CDKAL1: variants seen among roughly 807,000 people sequenced by gnomAD.
The protein encoded by CDKAL1 is threonylcarbamoyladenosine tRNA methylthiotransferase.
CDKAL1 carries 32 observed loss-of-function variants against 68.2 expected under a neutral mutation model. That is an observed-to-expected ratio of 0.47 (90% confidence interval 0.35 to 0.63). The LOEUF (loss-of-function observed/expected upper bound fraction) is 0.63, where lower values mean the gene tolerates loss of function less well. CDKAL1 is among the 30% of genes least tolerant of loss of function. The probability of loss-of-function intolerance (pLI) is 0.00; values close to 1 mark genes in which losing one functional copy is unlikely to be tolerated. For missense variants in CDKAL1, 606 were observed against 696.7 expected (o/e 0.87, Z 1.47); for synonymous variants, 234 against 244.3 (o/e 0.96, Z 0.39).
chr6:20,701,597 TTGGTGTG>T (rs1771363028), intron 5 of CDKAL1, among the ~76,000 whole-genome samples: 2 of 152,188 alleles, frequency 1.3e-5, no homozygotes, highest in Non-Finnish European at 2.9e-5. Flanking sequence ...ACAGTTAGGC[TTGGTGTG>T]CCCATGTCTT....
chr6:20,846,095 A>G lies in CDKAL1; in HGVS notation c.659A>G (p.Tyr220Cys), dbSNP rs1778365607. 6.2e-7 allele frequency: 1 copy of G among 1,612,240 alleles called. No individual in the cohort carries two copies. The highest frequency in any genetic ancestry group is 8.5e-7 in the Non-Finnish European group (1 of 1,178,664). Reference protein sequence around the residue: ...INTGCLNACTYCKTKHARGNL... With the variant: ...INTGCLNACTCCKTKHARGNL... Reference sequence around the variant, plus strand: ...AACAGGTGTCTCAATGCTTGTACCTACTGCAAAACTAAACACGCCAGAGGA... The same window carrying G: ...AACAGGTGTCTCAATGCTTGTACCTGCTGCAAAACTAAACACGCCAGAGGA... Residue 220 changes from tyrosine (Y) to cysteine (C), a missense_variant, in exon 9 of 16, where the codon TAC becomes TGC. Tyr to Cys is a radical substitution (Grantham distance 194). Transcript: ENST00000274695.
At chr6:21,154,976 C>G (rs1019123601) in intron 13 of CDKAL1, among the ~76,000 whole-genome samples, 1 of 149,122 alleles carries the variant, frequency 6.7e-6, no homozygotes. Context: ...GGCCACAGAG[C>G]GAGACTCCGT....
At position 21,107,237 on chromosome 6, in the gene CDKAL1, G is replaced by A. The variant is rs140443870; in HGVS notation, c.1237-1164G>A. Among the ~76,000 whole-genome samples, 905 of 151,744 alleles carry A rather than the reference G, an allele frequency of 6.0e-3. 8 individuals are homozygous for A. The highest frequency in any genetic ancestry group is 0.021 in the African/African-American group (857 of 41,340). On this transcript the variant is annotated intron_variant, in intron 12 of 15. Coordinates refer to ENST00000274695, the MANE Select transcript of CDKAL1 (RefSeq NM_017774.3). ...GCTGGGATTACAGGCGTGAGCCACC[G>A]TGCCCGGCCAAAAAAGCCACTTTTA...
Position 21,231,027 on chromosome 6 carries a change from G to C in CDKAL1, c.1728G>C (p.Lys576Asn), listed in dbSNP as rs1447117840. The C allele has an allele frequency of 1.2e-6, 2 of 1,602,196 alleles. No homozygotes were observed. Among genetic ancestry groups the C allele is most frequent in the South Asian group, 2.2e-5 (2 of 89,628 alleles). Residue 576 changes from lysine to asparagine, a missense_variant, in exon 16 of 16, where the codon AAG becomes AAC. Coordinates refer to ENST00000274695, the MANE Select transcript of CDKAL1 (RefSeq NM_017774.3). ...GTCTTCTTTTTGCTTTTTTTGTCAAGGTCTATAATTAGAATACAACTAATG... is the reference window on the plus strand; with the variant it reads ...GTCTTCTTTTTGCTTTTTTTGTCAACGTCTATAATTAGAATACAACTAATG... Reference protein sequence around the residue: ...LLGLLFAFFVKVYN With the variant: ...LLGLLFAFFVNVYN
intron 9 of CDKAL1, among the ~76,000 whole-genome samples, chr6:20,888,525 C>G (rs1286440712): frequency 5.3e-5 from 6 of 112,384 alleles, no homozygotes; most frequent in Non-Finnish European, 9.0e-5. Context: ...CCCCCCTCCC[C>G]CCACCCCACA....
rs189835859 is a variant in CDKAL1 at position 20,885,147 on chromosome 6, T to C, written c.742+38969T>C. 1.7e-3 allele frequency among the ~76,000 whole-genome samples: 254 copies of C among 151,622 alleles called. 4 individuals are homozygous for C. The highest frequency in any genetic ancestry group is 5.4e-3 in the African/African-American group (224 of 41,230). ...TAGCAAAATTCCAACAGCACTCCCCTTTTTTTTGCAGTTCTAGAAAAGCTA... is the reference window on the plus strand; with the variant it reads ...TAGCAAAATTCCAACAGCACTCCCCCTTTTTTTGCAGTTCTAGAAAAGCTA... On this transcript the variant is annotated intron_variant, in intron 9 of 15. Transcript: ENST00000274695.
At chr6:21,192,614 G>T (rs539390185) in intron 13 of CDKAL1, among the ~76,000 whole-genome samples, 1 of 151,170 alleles carries the variant, frequency 6.6e-6, no homozygotes, top group East Asian at 1.9e-4. Context: ...GCAAAGCTTT[G>T]TAAATGGAAA....
intron 12 of CDKAL1, among the ~76,000 whole-genome samples, chr6:21,104,987 G>T (rs1173876705): frequency 2.0e-5 from 3 of 152,084 alleles, no homozygotes; most frequent in African/African-American, 7.2e-5. Context: ...GTTTAATACT[G>T]ATATGCTACC....
intron 15 of CDKAL1, among the ~76,000 whole-genome samples, chr6:21,225,238 T>C (rs1008593397): frequency 6.6e-6 from 1 of 152,086 alleles, no homozygotes; most frequent in Non-Finnish European, 1.5e-5. Context: ...AGTCCTGTCT[T>C]AGTTGAGGCC....
At chr6:21,112,593 TG>T (rs1485782001) in intron 13 of CDKAL1, among the ~76,000 whole-genome samples, 1 of 152,230 alleles carries the variant, frequency 6.6e-6, no homozygotes, top group South Asian at 2.1e-4. Context: ...GTTGGTGAAC[TG>T]GGCTTTTCTT....
rs938809400 is a variant in CDKAL1, at chr6:21,231,201, T to C, written c.*162T>C. 37 of 506,650 alleles carry C rather than the reference T, an allele frequency of 7.3e-5. No individual in the cohort carries two copies. Among genetic ancestry groups the C allele is most frequent in the Admixed American group, 3.7e-4 (11 of 29,554 alleles). 31.4% of individuals were successfully genotyped at this position (506,650 alleles called of 1,614,324 possible). ...TTAATGAGGCTCCCCCTGTCTCACA[T>C]TGAGTTGGGCCCATTGGTTATTTGA... On this transcript the variant is annotated 3_prime_UTR_variant, in exon 16 of 16. Transcript: ENST00000274695.
intron 8 of CDKAL1, among the ~76,000 whole-genome samples, chr6:20,822,392 C>G (rs1333339706): frequency 6.6e-6 from 1 of 152,070 alleles, no homozygotes. Flanking sequence ...TGAAGTATCA[C>G]TGAATATTTT....
chr6:20,898,494 G>T (rs1177600605), intron 9 of CDKAL1, among the ~76,000 whole-genome samples: 1 of 150,224 alleles, frequency 6.7e-6, no homozygotes, highest in African/African-American at 2.5e-5. Flanking sequence ...GCTTTCCCTG[G>T]GTTCTTGTCA....
intron 4 of CDKAL1, among the ~76,000 whole-genome samples, chr6:20,581,874 A>C (rs115973682): frequency 6.6e-6 from 1 of 152,334 alleles, no homozygotes; most frequent in African/African-American, 2.4e-5. Context: ...CCAAAAACTT[A>C]CTTAGCTTTT....
At chr6:21,013,090 T>C (rs1264634258) in intron 11 of CDKAL1, among the ~76,000 whole-genome samples, 1 of 152,182 alleles carries the variant, frequency 6.6e-6, no homozygotes, top group Admixed American at 6.5e-5. Flanking sequence ...GAAGCACTCT[T>C]AATCCCATCT....
At chr6:21,010,614 T>C (rs1767956863) in intron 11 of CDKAL1, among the ~76,000 whole-genome samples, 2 of 152,168 alleles carry the variant, frequency 1.3e-5, no homozygotes, top group Admixed American at 1.3e-4. Context: ...ATATTCCTAC[T>C]GAAAATCAGG....
At chr6:20,876,214 C>T (rs540501893) in intron 9 of CDKAL1, among the ~76,000 whole-genome samples, 21 of 152,308 alleles carry the variant, frequency 1.4e-4, no homozygotes, top group South Asian at 4.1e-4. Flanking sequence ...AATATAAGAA[C>T]CTGTAGTTTA....
At chr6:20,961,723 C>T (rs1045679277) in intron 10 of CDKAL1, among the ~76,000 whole-genome samples, 4 of 149,894 alleles carry the variant, frequency 2.7e-5, no homozygotes, top group Non-Finnish European at 4.4e-5. Flanking sequence ...GCTGAGATCG[C>T]ACCACCGCAC....
intron 13 of CDKAL1, among the ~76,000 whole-genome samples, chr6:21,193,000 G>A (rs531690786): frequency 7.1e-4 from 108 of 151,526 alleles, no homozygotes; most frequent in African/African-American, 2.3e-3. Flanking sequence ...TTATTTTTTT[G>A]TAGAAACGAG....
Sources: gnomAD v4.1 joint callset for allele counts (sites outside exome capture counted in the v4.1 genomes callset) on GRCh38, gnomAD v4.1.1 for gene constraint, MANE v1.5 for transcripts, NCBI Gene and HGNC (gene_info 2026-07-23, HGNC 2026-07-21) for gene names.